ZNF536: variants seen among roughly 807,000 people sequenced by gnomAD.
The protein encoded by ZNF536 is zinc finger protein 536.
Under a neutral mutation model 84.5 loss-of-function variants are expected in ZNF536, and 13 were observed. The observed-to-expected ratio is 0.15, with a 90% CI of 0.10 to 0.24. The LOEUF (loss-of-function observed/expected upper bound fraction) is 0.24. Ranked by LOEUF, ZNF536 falls within the 10% of genes least tolerant of loss-of-function variation. The pLI, the probability that ZNF536 is intolerant of heterozygous loss-of-function variation, is 1.00. For missense variants in ZNF536, 1,536 were observed against 1,747.5 expected (o/e 0.88, Z 2.16); for synonymous variants, 811 against 742.5 (o/e 1.09, Z -1.50).
chr19:30,641,191 T>A (rs538289952), intron 1 of ZNF536, among the ~76,000 whole-genome samples: 2 of 152,366 alleles, frequency 1.3e-5, no homozygotes, highest in South Asian at 4.1e-4. Context: ...TTTAATATAC[T>A]ACATTTAACC....
intron 2 of ZNF536, among the ~76,000 whole-genome samples, chr19:30,338,505 T>C (rs934144448): frequency 6.6e-6 from 1 of 151,660 alleles, no homozygotes; most frequent in African/African-American, 2.4e-5. Context: ...ATGATGATGA[T>C]GATGATGATG....
intron 1 of ZNF536, among the ~76,000 whole-genome samples, chr19:30,410,290 T>C (rs920593603): frequency 2.6e-5 from 4 of 152,080 alleles, no homozygotes; most frequent in Non-Finnish European, 5.9e-5. Context: ...AAATTTTGTA[T>C]TCACACATTG....
chr19:30,361,222 G>A (rs1054474096), intron 3 of ZNF536, among the ~76,000 whole-genome samples: 1 of 152,174 alleles, frequency 6.6e-6, no homozygotes, highest in Non-Finnish European at 1.5e-5. Flanking sequence ...CTTGCCATTC[G>A]GCACCCGACG....
At chr19:30,378,277 C>G (rs1420205676) in intron 1 of ZNF536, among the ~76,000 whole-genome samples, 1 of 152,206 alleles carries the variant, frequency 6.6e-6, no homozygotes, top group Non-Finnish European at 1.5e-5. Context: ...TCTTGTGCCT[C>G]AGCCTCTCAA....
intron 2 of ZNF536, among the ~76,000 whole-genome samples, chr19:30,503,594 G>A (rs1221311524): frequency 1.3e-5 from 2 of 152,216 alleles, no homozygotes; most frequent in Non-Finnish European, 2.9e-5. Flanking sequence ...CATTCTCAAA[G>A]TTGCTTAAGC....
At chr19:30,355,974 G>A (rs2048081896) in intron 3 of ZNF536, among the ~76,000 whole-genome samples, 1 of 152,156 alleles carries the variant, frequency 6.6e-6, no homozygotes, top group Non-Finnish European at 1.5e-5. Flanking sequence ...GCATCTACCT[G>A]CCTCTGCCTC....
chr19:30,277,671 CCA>C (rs989699151), intron 1 of ZNF536, among the ~76,000 whole-genome samples: 7 of 152,160 alleles, frequency 4.6e-5, no homozygotes, highest in Non-Finnish European at 8.8e-5. Context: ...ATGCACATAC[CCA>C]CACACACACT....
At chr19:30,652,417 A>G (rs1313475896) in intron 1 of ZNF536, among the ~76,000 whole-genome samples, 1 of 152,160 alleles carries the variant, frequency 6.6e-6, no homozygotes, top group Non-Finnish European at 1.5e-5. Context: ...GACTGACACC[A>G]CTAAATGTCG....
At chr19:30,478,992 A>G (rs541352389) in intron 2 of ZNF536, among the ~76,000 whole-genome samples, 2 of 152,072 alleles carry the variant, frequency 1.3e-5, no homozygotes, top group African/African-American at 4.8e-5. Flanking sequence ...GTTACTCATC[A>G]CTGTCCAATC....
At chr19:30,673,240 A>G (rs1191990050) in intron 1 of ZNF536, among the ~76,000 whole-genome samples, 1 of 152,224 alleles carries the variant, frequency 6.6e-6, no homozygotes, top group Non-Finnish European at 1.5e-5. Context: ...AAATAGTGAC[A>G]GATCTGAGCA....
At chr19:30,459,057 A>G (rs2053007489) in intron 2 of ZNF536, among the ~76,000 whole-genome samples, 1 of 152,194 alleles carries the variant, frequency 6.6e-6, no homozygotes, top group Non-Finnish European at 1.5e-5. Context: ...TCCTCCATGT[A>G]AAAATGAGGA....
chr19:30,297,905 C>CCCG (rs1555714333), intron 2 of ZNF536, among the ~76,000 whole-genome samples: 1 of 84,894 alleles, frequency 1.2e-5, no homozygotes, highest in African/African-American at 6.5e-5. Context: ...AGACGGAGTC[C>CCCG]CCCCCCCCTC....
At chr19:30,655,294 A>T (rs1389012266) in intron 1 of ZNF536, among the ~76,000 whole-genome samples, 1 of 152,218 alleles carries the variant, frequency 6.6e-6, no homozygotes, top group Non-Finnish European at 1.5e-5. Context: ...TGCTCTCTTC[A>T]TCATCTTCTC....
chr19:30,342,163 T>C (rs2047584017), intron 2 of ZNF536, among the ~76,000 whole-genome samples: 1 of 152,210 alleles, frequency 6.6e-6, no homozygotes, highest in Admixed American at 6.5e-5. Context: ...TGGGATTAAA[T>C]TTATCATTTT....
chr19:30,376,098 G>A (rs1407469601), intron 1 of ZNF536, among the ~76,000 whole-genome samples: 1 of 152,112 alleles, frequency 6.6e-6, no homozygotes, highest in Non-Finnish European at 1.5e-5. Context: ...GGTGGGGACA[G>A]CTGCTGTAGC....
At chr19:30,492,982 C>T (rs2054566676) in intron 2 of ZNF536, among the ~76,000 whole-genome samples, 1 of 151,334 alleles carries the variant, frequency 6.6e-6, no homozygotes, top group Admixed American at 6.6e-5. Flanking sequence ...AAATCAGCAG[C>T]TTTGGTTAAA....
chr19:30,331,702 T>G (rs2047217180), intron 2 of ZNF536, among the ~76,000 whole-genome samples: 1 of 152,154 alleles, frequency 6.6e-6, no homozygotes, highest in South Asian at 2.1e-4. Flanking sequence ...ACACCTGAGC[T>G]CCTCTGAAAT....
intron 1 of ZNF536, among the ~76,000 whole-genome samples, chr19:30,563,357 C>T (rs1450253416): frequency 6.6e-6 from 1 of 152,134 alleles, no homozygotes; most frequent in South Asian, 2.1e-4. Flanking sequence ...GACAGACACA[C>T]CCCCATTGGC....
intron 1 of ZNF536, among the ~76,000 whole-genome samples, chr19:30,583,664 C>T (rs2046999631): frequency 6.6e-6 from 1 of 152,122 alleles, no homozygotes; most frequent in South Asian, 2.1e-4. Context: ...TGTACATGGA[C>T]CCTTGAAGGG....
Sources: gnomAD v4.1 joint callset for allele counts (sites outside exome capture counted in the v4.1 genomes callset) on GRCh38, gnomAD v4.1.1 for gene constraint, MANE v1.5 for transcripts, NCBI Gene and HGNC (gene_info 2026-07-23, HGNC 2026-07-21) for gene names.